SP4: variants seen among roughly 807,000 people sequenced by gnomAD.
SP4 encodes the protein transcription factor Sp4.
Under a neutral mutation model 72.8 loss-of-function variants are expected in SP4, and 19 were observed. That is an observed-to-expected ratio of 0.26 (90% CI 0.18 to 0.38). The LOEUF (loss-of-function observed/expected upper bound fraction) is 0.38, where lower values mean the gene tolerates loss of function less well. SP4 is among the 10% of genes least tolerant of loss of function. SP4 has a pLI of 1.00. For missense variants in SP4, 1,008 were observed against 926.3 expected, an observed-to-expected ratio of 1.09 and a Z score of -1.14; for synonymous variants, 395 against 333.1, an observed-to-expected ratio of 1.19 and a Z score of -2.02.
chr7:21,449,859 T>A (rs1341815583), intron 3 of SP4, among the ~76,000 whole-genome samples: 1 of 151,512 alleles, frequency 6.6e-6, no homozygotes, highest in African/African-American at 2.4e-5. Flanking sequence ...TATAGGCAAG[T>A]CTTTTCTTCT....
At chr7:21,463,304 T>G (rs1037496221) in intron 3 of SP4, among the ~76,000 whole-genome samples, 5 of 151,982 alleles carry the variant, frequency 3.3e-5, no homozygotes, top group Non-Finnish European at 5.9e-5. Flanking sequence ...GGAAAAAAAT[T>G]GGAACAGCCA....
chr7:21,455,633 C>G (rs1783739848), intron 3 of SP4, among the ~76,000 whole-genome samples: 1 of 152,146 alleles, frequency 6.6e-6, no homozygotes, highest in African/African-American at 2.4e-5. Context: ...CCAATATGAA[C>G]AGGGCCCCCC....
intron 3 of SP4, among the ~76,000 whole-genome samples, chr7:21,464,836 T>C (rs1188817982): frequency 6.6e-6 from 1 of 152,238 alleles, no homozygotes; most frequent in Non-Finnish European, 1.5e-5. Flanking sequence ...GCATTACTAC[T>C]ATGGTGACTC....
intron 3 of SP4, among the ~76,000 whole-genome samples, chr7:21,443,214 G>A (rs1562590420): frequency 6.6e-6 from 1 of 152,056 alleles, no homozygotes; most frequent in African/African-American, 2.4e-5. Context: ...CTGTCATTCT[G>A]ATACTGAACC....
intron 3 of SP4, among the ~76,000 whole-genome samples, chr7:21,459,385 C>G (rs1783881117): frequency 6.6e-6 from 1 of 152,176 alleles, no homozygotes; most frequent in African/African-American, 2.4e-5. Context: ...TCCTAAAGTG[C>G]TGGGATTACA....
At chr7:21,470,581 G>A (rs1018442157) in intron 3 of SP4, among the ~76,000 whole-genome samples, 1 of 151,870 alleles carries the variant, frequency 6.6e-6, no homozygotes, top group African/African-American at 2.4e-5. Flanking sequence ...AATTCAAGTC[G>A]TCTCAAATTT....
At chr7:21,493,220 A>C (rs1330844010) in intron 5 of SP4, among the ~76,000 whole-genome samples, 1 of 151,776 alleles carries the variant, frequency 6.6e-6, no homozygotes, top group Non-Finnish European at 1.5e-5. Context: ...AAATCATACG[A>C]AGTATGTTCT....
intron 3 of SP4, among the ~76,000 whole-genome samples, chr7:21,436,981 C>G (rs1039780057): frequency 6.6e-6 from 1 of 152,098 alleles, no homozygotes; most frequent in African/African-American, 2.4e-5. Flanking sequence ...TGTCTTTCTA[C>G]TGCATTTTTG....
In SP4 at chr7:21,482,666, G is replaced by A. The variant is rs556735579; in HGVS notation, c.2107+543G>A. Reference sequence around the variant, plus strand: ...ACCCTTTCACCTTTCAAAGACTGCAGCTGCTATAAATCTAATGTGTCTAAG... The same window carrying A: ...ACCCTTTCACCTTTCAAAGACTGCAACTGCTATAAATCTAATGTGTCTAAG... On this transcript the variant is annotated intron_variant, in intron 5 of 5. Transcript: ENST00000222584. 6.1e-6 allele frequency: 6 copies of A among 984,370 alleles called. No homozygotes were observed. In the East Asian group the frequency reaches 5.7e-4, roughly 93 times the overall value. The allele number at this position is 984,370 out of a possible 1,614,324, so 61.0% of individuals were successfully genotyped here.
chr7:21,469,540 AT>A (rs59458328), intron 3 of SP4, among the ~76,000 whole-genome samples: 61,208 of 127,294 alleles, frequency 0.48, 13,396 homozygotes, highest in Middle Eastern at 0.65. Context: ...TTTAGTTATA[AT>A]TTTTTTTTTT....
chr7:21,473,244 T>A (rs1271648068), intron 3 of SP4, among the ~76,000 whole-genome samples: 2 of 152,124 alleles, frequency 1.3e-5, no homozygotes, highest in Non-Finnish European at 2.9e-5. Context: ...GTCTTCAAAA[T>A]TTGGTCATCA....
intron 5 of SP4, among the ~76,000 whole-genome samples, chr7:21,505,221 A>G (rs1016558603): frequency 2.6e-5 from 4 of 152,210 alleles, no homozygotes; most frequent in Admixed American, 2.0e-4. Flanking sequence ...CAGACCCACT[A>G]TTCCCAGTAT....
chr7:21,452,348 T>C lies in SP4; in HGVS notation c.1678+21505T>C, dbSNP rs191603175. Among the ~76,000 whole-genome samples, 15 of 152,380 alleles carry C rather than the reference T, an allele frequency of 9.8e-5. No homozygotes were observed. In the East Asian group the frequency reaches 2.9e-3, roughly 29 times the overall value. ...ACTTCCTTCCATAAGGAGTCTCAGA[T>C]AAGGCTTTTTAAAACCTTAAGCCCA... On this transcript the variant is annotated intron_variant, in intron 3 of 5. Transcript: ENST00000222584.
intron 3 of SP4, among the ~76,000 whole-genome samples, chr7:21,439,182 A>G (rs1419923648): frequency 1.3e-5 from 2 of 152,196 alleles, no homozygotes; most frequent in African/African-American, 2.4e-5. Context: ...AGTGTGAACA[A>G]TGTGATTACT....
In SP4 at chr7:21,511,333, ATGGGC is replaced by A. The variant is rs1782137663; in HGVS notation, c.*68_*72del. On this transcript the variant is annotated 3_prime_UTR_variant, in exon 6 of 6. Transcript: ENST00000222584. ...TTTACACACCTTTGAAAATCTGGAA[ATGGGC>A]TGGTCAAGTGGATTACAGAGTAGGA... The A allele has an allele frequency of 6.7e-7, 1 of 1,501,284 alleles. No individual in the cohort carries two copies. The highest frequency in any genetic ancestry group is 9.1e-7 in the Non-Finnish European group (1 of 1,099,344). 93.0% of individuals were successfully genotyped at this position (1,501,284 alleles called of 1,614,324 possible).
chr7:21,446,393 A>G (rs1046000575), intron 3 of SP4, among the ~76,000 whole-genome samples: 7 of 152,086 alleles, frequency 4.6e-5, no homozygotes, highest in Non-Finnish European at 8.8e-5. Context: ...GAAAGCAAAC[A>G]TGTTTCATTC....
At chr7:21,502,040 A>AACC (rs1554301402) in intron 5 of SP4, among the ~76,000 whole-genome samples, 5 of 72,330 alleles carry the variant, frequency 6.9e-5, no homozygotes, top group East Asian at 1.1e-3. Context: ...TTCATTAGGC[A>AACC]CCCCCCCCCC....
At chr7:21,443,458 G>A (rs574540175) in intron 3 of SP4, among the ~76,000 whole-genome samples, 1 of 152,282 alleles carries the variant, frequency 6.6e-6, no homozygotes, top group African/African-American at 2.4e-5. Flanking sequence ...AGAAATTGAA[G>A]GTATGTAAAA....
At chr7:21,440,540 G>A (rs972623635) in intron 3 of SP4, among the ~76,000 whole-genome samples, 3 of 152,086 alleles carry the variant, frequency 2.0e-5, no homozygotes, top group Admixed American at 6.6e-5. Context: ...GGAGAGAGGT[G>A]TATTAACAGG....
Sources: gnomAD v4.1 joint callset for allele counts (sites outside exome capture counted in the v4.1 genomes callset) on GRCh38, gnomAD v4.1.1 for gene constraint, MANE v1.5 for transcripts, NCBI Gene and HGNC (gene_info 2026-07-23, HGNC 2026-07-21) for gene names.